The following ZPBP variants were observed in gnomAD, a reference collection of about 807,000 sequenced individuals.
ZPBP encodes the protein zona pellucida-binding protein 1.
ZPBP carries 26 observed loss-of-function variants against 44.8 expected under a neutral mutation model. That is an observed-to-expected ratio of 0.58 (90% CI 0.43 to 0.81). The LOEUF (loss-of-function observed/expected upper bound fraction) is 0.81, where lower values mean the gene tolerates loss of function less well. ZPBP is among the 30% of genes least tolerant of loss of function. The pLI is 0.00. For missense variants in ZPBP, 409 were observed against 434.0 expected (o/e 0.94, Z 0.51); for synonymous variants, 174 against 153.2 (o/e 1.14, Z -1.00).
intron 1 of ZPBP, among the ~76,000 whole-genome samples, chr7:49,923,231 A>G (rs962350166): frequency 2.0e-5 from 3 of 152,348 alleles, no homozygotes; most frequent in African/African-American, 7.2e-5. Context: ...GACAGACGAT[A>G]AAACAAAGAA....
intron 4 of ZPBP, among the ~76,000 whole-genome samples, chr7:50,031,855 T>C (rs752021121): frequency 3.3e-5 from 5 of 152,020 alleles, no homozygotes; most frequent in African/African-American, 4.8e-5. Context: ...TATATATATA[T>C]ATTTTGCCCA....
At chr7:49,961,578 T>C (rs149612298) in intron 7 of ZPBP, among the ~76,000 whole-genome samples, 1 of 152,102 alleles carries the variant, frequency 6.6e-6, no homozygotes, top group African/African-American at 2.4e-5. Context: ...AATTTCAACA[T>C]GTATAGTTAA....
At chr7:49,847,856 G>C (rs1790007718), downstream of ZPBP, among the ~76,000 whole-genome samples, 1 of 152,142 alleles carries the variant, frequency 6.6e-6, no homozygotes, top group Non-Finnish European at 1.5e-5. Flanking sequence ...GAGGTCATGG[G>C]GATGTGAGCT....
chr7:49,847,629 C>T (rs1210060735), downstream of ZPBP, among the ~76,000 whole-genome samples: 1 of 152,160 alleles, frequency 6.6e-6, no homozygotes, highest in East Asian at 1.9e-4. Flanking sequence ...CACAGGGGCA[C>T]GCTGGCCTGG....
downstream of ZPBP, chr7:49,937,326 A>T (rs1794654382): frequency 1.5e-5 from 8 of 517,130 alleles, no homozygotes; most frequent in South Asian, 1.9e-4. Context: ...AATATTTTAG[A>T]ATCATATGTA....
chr7:49,918,352 A>T (rs562740529), intron 1 of ZPBP: 2 of 152,202 alleles, frequency 1.3e-5, no homozygotes, highest in Non-Finnish European at 2.9e-5. Context: ...GAAATTTCCA[A>T]AATGGTCTTT....
chr7:49,909,337 G>T (rs1793279532), intron 1 of ZPBP, among the ~76,000 whole-genome samples: 1 of 137,842 alleles, frequency 7.3e-6, no homozygotes, highest in South Asian at 2.4e-4. Flanking sequence ...AGAAAAGAAG[G>T]CATGCCAAAG....
chr7:50,001,151 C>G (rs1002785398), intron 6 of ZPBP, among the ~76,000 whole-genome samples: 1 of 152,158 alleles, frequency 6.6e-6, no homozygotes, highest in South Asian at 2.1e-4. Flanking sequence ...GCCTGCTGGT[C>G]TATGTTATAG....
chr7:50,057,957 A>C lies in ZPBP; in HGVS notation c.487+32T>G, dbSNP rs770636046. 3.8e-6 allele frequency: 6 copies of C among 1,582,012 alleles called. No individual in the cohort carries two copies. The South Asian group carries it at 6.7e-5, about 18-fold the overall frequency. ...ATTTAAATGTTTAAAATCATTAAGA[A>C]AGGTTAAAACACAACTAACTTTACT... is the stretch of plus-strand genomic sequence containing the variant. On this transcript the variant is annotated intron_variant, in intron 4 of 7. Transcript: ENST00000046087.
chr7:50,078,624 A>G (rs1584187798), intron 3 of ZPBP, among the ~76,000 whole-genome samples: 1 of 151,646 alleles, frequency 6.6e-6, no homozygotes, highest in South Asian at 2.1e-4. Flanking sequence ...AAGAAAATCT[A>G]GGAAACACCA....
chr7:49,984,684 CCTT>C (rs1288611597), intron 6 of ZPBP, among the ~76,000 whole-genome samples: 3 of 152,154 alleles, frequency 2.0e-5, no homozygotes, highest in African/African-American at 7.2e-5. Context: ...CTGCTACTCT[CCTT>C]CTGCTGTGTG....
At chr7:50,044,322 A>G (rs1800240401) in intron 4 of ZPBP, among the ~76,000 whole-genome samples, 1 of 152,220 alleles carries the variant, frequency 6.6e-6, no homozygotes, top group South Asian at 2.1e-4. Flanking sequence ...AGATCAGAGC[A>G]GAACTAAAGG....
At chr7:50,025,563 T>C (rs1429545317) in intron 5 of ZPBP, among the ~76,000 whole-genome samples, 3 of 151,856 alleles carry the variant, frequency 2.0e-5, no homozygotes, top group Non-Finnish European at 4.4e-5. Context: ...AAATGATGCT[T>C]GACCAACTGG....
chr7:50,025,174 G>T (rs1303167799), intron 5 of ZPBP, among the ~76,000 whole-genome samples: 2 of 151,814 alleles, frequency 1.3e-5, no homozygotes, highest in Non-Finnish European at 2.9e-5. Context: ...CATGTTCATA[G>T]ATAGGAAGAT....
chr7:50,039,627 T>C (rs886433570), intron 4 of ZPBP, among the ~76,000 whole-genome samples: 6 of 152,122 alleles, frequency 3.9e-5, no homozygotes, highest in East Asian at 1.9e-4. Context: ...AGAAGCTGTA[T>C]TGGTCTAAAA....
At chr7:49,967,346 CAGG>C (rs1471825817) in intron 7 of ZPBP, among the ~76,000 whole-genome samples, 1 of 152,086 alleles carries the variant, frequency 6.6e-6, no homozygotes, top group East Asian at 1.9e-4. Context: ...AATTTGGAAG[CAGG>C]TACCTTGTTT....
chr7:49,924,077 C>G (rs1842904), intron 1 of ZPBP, among the ~76,000 whole-genome samples: 5 of 151,830 alleles, frequency 3.3e-5, no homozygotes, highest in Admixed American at 6.6e-5. Flanking sequence ...GAGCCAAGAT[C>G]GTGCCATTGC....
intron 7 of ZPBP, among the ~76,000 whole-genome samples, chr7:49,950,048 A>G (rs559235152): frequency 3.3e-5 from 5 of 151,952 alleles, no homozygotes; most frequent in Admixed American, 2.0e-4. Flanking sequence ...TATATAAACA[A>G]AAATATTCAT....
intron 4 of ZPBP, among the ~76,000 whole-genome samples, chr7:50,040,195 A>C (rs1231575611): frequency 6.6e-6 from 1 of 152,264 alleles, no homozygotes; most frequent in African/African-American, 2.4e-5. Context: ...GTCAGACTAG[A>C]TTTAAAAAGT....
Sources: allele counts gnomAD v4.1 joint callset (sites outside exome capture counted in the v4.1 genomes callset), GRCh38; gene constraint gnomAD v4.1.1; transcripts MANE v1.5; gene names NCBI Gene and HGNC (gene_info 2026-07-23, HGNC 2026-07-21).